GALNTL6: variants seen among roughly 807,000 people sequenced by gnomAD.
The protein encoded by GALNTL6 is polypeptide N-acetylgalactosaminyltransferase like 6, also known as polypeptide N-acetylgalactosaminyltransferase-like 6.
A neutral mutation model predicts 73.7 loss-of-function variants in GALNTL6; 46 were observed. That is an observed-to-expected ratio of 0.62 (90% CI 0.49 to 0.80). The LOEUF (loss-of-function observed/expected upper bound fraction) is 0.80. Ranked by LOEUF, GALNTL6 falls within the 30% of genes least tolerant of loss-of-function variation. The probability of loss-of-function intolerance (pLI) is 0.00; values close to 1 mark genes in which losing one functional copy is unlikely to be tolerated. For missense variants in GALNTL6, 604 were observed against 755.0 expected, an observed-to-expected ratio of 0.80 and a Z score of 2.34; for synonymous variants, 259 against 263.7, an observed-to-expected ratio of 0.98 and a Z score of 0.17.
At chr4:172,107,097 T>C (rs1418930755) in intron 2 of GALNTL6, among the ~76,000 whole-genome samples, 1 of 152,214 alleles carries the variant, frequency 6.6e-6, no homozygotes, top group Admixed American at 6.5e-5. Context: ...GGTCTTGAAC[T>C]CCTGACCTCA....
intron 10 of GALNTL6, among the ~76,000 whole-genome samples, chr4:173,000,900 C>A (rs1331295132): frequency 6.6e-6 from 1 of 152,138 alleles, no homozygotes; most frequent in Admixed American, 6.6e-5. Context: ...ATGTTGAAAT[C>A]CTAATCCTTG....
intron 5 of GALNTL6, among the ~76,000 whole-genome samples, chr4:172,493,309 C>T (rs1733957147): frequency 6.6e-6 from 1 of 152,060 alleles, no homozygotes; most frequent in Admixed American, 6.6e-5. Context: ...GGGTTGCTAC[C>T]ACTAACAGAA....
chr4:172,524,889 G>A (rs908902512), intron 5 of GALNTL6, among the ~76,000 whole-genome samples: 15 of 152,156 alleles, frequency 9.9e-5, no homozygotes, highest in African/African-American at 3.4e-4. Flanking sequence ...TAATTTCTAT[G>A]TTATGCTTTA....
intron 10 of GALNTL6, among the ~76,000 whole-genome samples, chr4:172,968,144 TAGG>T (rs1189527030): frequency 1.3e-5 from 2 of 152,028 alleles, no homozygotes; most frequent in Non-Finnish European, 2.9e-5. Flanking sequence ...CTACAGAACA[TAGG>T]TTAGTGTCAC....
At chr4:172,350,171 G>A (rs1741893519) in intron 5 of GALNTL6, among the ~76,000 whole-genome samples, 1 of 148,440 alleles carries the variant, frequency 6.7e-6, no homozygotes. Context: ...GTGATTGACT[G>A]GTACTAGGAG....
intron 2 of GALNTL6, among the ~76,000 whole-genome samples, chr4:171,828,431 G>A (rs1230273887): frequency 6.6e-6 from 1 of 152,176 alleles, no homozygotes; most frequent in African/African-American, 2.4e-5. Context: ...GTACTCCCAA[G>A]AAGCAGAGAA....
At chr4:172,233,800 A>T (rs933190183) in intron 3 of GALNTL6, among the ~76,000 whole-genome samples, 2 of 152,054 alleles carry the variant, frequency 1.3e-5, no homozygotes, top group African/African-American at 4.8e-5. Context: ...ATTAACATAC[A>T]CAGATATGCA....
intron 5 of GALNTL6, among the ~76,000 whole-genome samples, chr4:172,699,398 T>A (rs1054944702): frequency 1.3e-5 from 2 of 152,186 alleles, no homozygotes; most frequent in Admixed American, 1.3e-4. Context: ...GATTTCACAA[T>A]ATATCACAAA....
At chr4:173,039,168 C>T (rs1753806690) in intron 12 of GALNTL6, among the ~76,000 whole-genome samples, 1 of 152,212 alleles carries the variant, frequency 6.6e-6, no homozygotes, top group South Asian at 2.1e-4. Context: ...TTATCTGCAT[C>T]ATGTACCTGG....
At chr4:172,235,311 G>A (rs749012079) in intron 3 of GALNTL6, among the ~76,000 whole-genome samples, 1 of 151,904 alleles carries the variant, frequency 6.6e-6, no homozygotes, top group Non-Finnish European at 1.5e-5. Context: ...GGGTTCAGGC[G>A]ATTCTCCTGC....
At chr4:172,687,755 G>C (rs1733017918) in intron 5 of GALNTL6, among the ~76,000 whole-genome samples, 1 of 152,130 alleles carries the variant, frequency 6.6e-6, no homozygotes. Flanking sequence ...GCGCTTGGCA[G>C]ATTGCAGAGA....
At chr4:172,828,048 G>A (rs1429043271) in intron 7 of GALNTL6, among the ~76,000 whole-genome samples, 3 of 152,002 alleles carry the variant, frequency 2.0e-5, no homozygotes, top group South Asian at 2.1e-4. Context: ...AAGCCAGGCC[G>A]ATCACCTGAG....
intron 7 of GALNTL6, among the ~76,000 whole-genome samples, chr4:172,880,615 T>G (rs1259371312): frequency 6.6e-6 from 1 of 152,132 alleles, no homozygotes; most frequent in Non-Finnish European, 1.5e-5. Flanking sequence ...CCTATCAAAC[T>G]GTACACTTAA....
intron 4 of GALNTL6, among the ~76,000 whole-genome samples, chr4:172,314,906 G>C (rs1263289124): frequency 6.6e-6 from 1 of 152,070 alleles, no homozygotes; most frequent in African/African-American, 2.4e-5. Context: ...CACTGTGCCA[G>C]GCCTGCATAG....
At chr4:172,797,165 G>C (rs1173392172) in intron 5 of GALNTL6, among the ~76,000 whole-genome samples, 1 of 152,204 alleles carries the variant, frequency 6.6e-6, no homozygotes, top group African/African-American at 2.4e-5. Context: ...ATGCAGCAAT[G>C]AAAGTACTTT....
intron 3 of GALNTL6, among the ~76,000 whole-genome samples, chr4:172,278,432 A>G (rs570092213): frequency 2.8e-4 from 42 of 152,172 alleles, no homozygotes; most frequent in African/African-American, 9.9e-4. Flanking sequence ...TGTTCCTGCC[A>G]TTTTCCTTAC....
intron 7 of GALNTL6, among the ~76,000 whole-genome samples, chr4:172,816,940 T>G (rs1741635211): frequency 6.6e-6 from 1 of 151,334 alleles, no homozygotes; most frequent in Non-Finnish European, 1.5e-5. Flanking sequence ...AACCCCGCCT[T>G]TACTAAAAAT....
intron 5 of GALNTL6, among the ~76,000 whole-genome samples, chr4:172,453,530 A>G (rs1034919392): frequency 6.6e-6 from 1 of 152,216 alleles, no homozygotes; most frequent in Non-Finnish European, 1.5e-5. Context: ...TTGTATTAAG[A>G]GGAAACAAAA....
chr4:171,993,057 A>G (rs956998), intron 2 of GALNTL6, among the ~76,000 whole-genome samples: 8,011 of 152,042 alleles, frequency 0.053, 324 homozygotes, highest in Non-Finnish European at 0.082. Flanking sequence ...TGAGATGGTA[A>G]TAATCTGTTT....
Sources: gnomAD v4.1 joint callset for allele counts (sites outside exome capture counted in the v4.1 genomes callset) on GRCh38, gnomAD v4.1.1 for gene constraint, MANE v1.5 for transcripts, NCBI Gene and HGNC (gene_info 2026-07-23, HGNC 2026-07-21) for gene names.